Variants in SLC5A1 observed in about 807,000 individuals in gnomAD.
The protein encoded by SLC5A1 is solute carrier family 5 member 1.
In SLC5A1, 42 loss-of-function variants were observed where a neutral mutation model predicts 73.5. The observed-to-expected ratio is 0.57, with a 90% CI of 0.45 to 0.74. The LOEUF (loss-of-function observed/expected upper bound fraction) is 0.74. SLC5A1 is among the 30% of genes least tolerant of loss of function. The probability of loss-of-function intolerance (pLI) is 0.00; values close to 1 mark genes in which losing one functional copy is unlikely to be tolerated. For missense variants in SLC5A1, 634 were observed against 855.4 expected (o/e 0.74, Z 3.23); for synonymous variants, 300 against 317.4 (o/e 0.95, Z 0.58).
At chr22:32,099,105 AATATATATATATAT>A in intron 11 of SLC5A1, 64 bp from the exon 12 acceptor site, 1 of 54,438 alleles carries the variant, frequency 1.8e-5, no homozygotes. Context: ...AAAAAAAAAA[AATATATATATATAT>A]ATATATATAT....
At chr22:32,045,322 T>C (rs2093935788) in intron 1 of SLC5A1, among the ~76,000 whole-genome samples, 1 of 152,264 alleles carries the variant, frequency 6.6e-6, no homozygotes, top group Non-Finnish European at 1.5e-5. Context: ...GTTTCAAGTA[T>C]CTGTGAATCA....
chr22:32,089,671 A>C (rs1235133522), intron 10 of SLC5A1, among the ~76,000 whole-genome samples: 5 of 152,222 alleles, frequency 3.3e-5, no homozygotes, highest in African/African-American at 1.2e-4. Context: ...CAGCCTACTC[A>C]GAACTGTCTG....
At chr22:32,094,631 G>A (rs1467683235) in intron 11 of SLC5A1, among the ~76,000 whole-genome samples, 3 of 152,060 alleles carry the variant, frequency 2.0e-5, no homozygotes, top group Non-Finnish European at 4.4e-5. Context: ...TGCACATAAA[G>A]GTGTTCATAG....
chr22:32,104,703 A>G, intron 13 of SLC5A1, 83 bp from the exon 14 acceptor site: 1 of 946,730 alleles, frequency 1.1e-6, no homozygotes, highest in Admixed American at 1.9e-5. Flanking sequence ...CCCTTCCTTG[A>G]TGCATATCTC....
chr22:32,087,450 C>T (rs997377986), intron 10 of SLC5A1, among the ~76,000 whole-genome samples: 10 of 152,074 alleles, frequency 6.6e-5, no homozygotes, highest in African/African-American at 2.4e-4. Context: ...AGGGGTTTTA[C>T]CTGGAGAATG....
Position 32,043,552 on chromosome 22 carries a change from C to T in SLC5A1, c.135+136C>T. ...AAATGACTTGGAAGCACTTTAGAAG[C>T]ACTCAGAGGCACAGCATGAAGGGAG... On this transcript the variant is annotated intron_variant, in intron 1 of 14. Transcript: ENST00000266088. This position sits in a 1 kb window ranked among gnomAD's most constrained non-coding sequence, Gnocchi z 6.5. The T allele has an allele frequency of 1.1e-6, 1 of 907,774 alleles. No individual in the cohort carries two copies. The highest frequency in any genetic ancestry group is 1.8e-6 in the Non-Finnish European group (1 of 571,422). The allele number at this position is 907,774 out of a possible 1,614,324, so 56.2% of individuals were successfully genotyped here.
intron 3 of SLC5A1, 51 bp from the exon 4 acceptor site, chr22:32,067,916 G>A: frequency 6.3e-7 from 1 of 1,596,278 alleles, no homozygotes; most frequent in Non-Finnish European, 8.6e-7. Context: ...AGGTGGCAGG[G>A]ATGGGCTAAG....
chr22:32,080,308 G>T (rs940268491), intron 5 of SLC5A1, among the ~76,000 whole-genome samples: 1 of 152,100 alleles, frequency 6.6e-6, no homozygotes, highest in African/African-American at 2.4e-5. Context: ...TCCTCAAAAG[G>T]CCCACCTTCG....
intron 10 of SLC5A1, among the ~76,000 whole-genome samples, chr22:32,087,288 T>C (rs988305049): frequency 1.4e-4 from 21 of 152,202 alleles, no homozygotes; most frequent in African/African-American, 5.1e-4. Context: ...GTAATGCATA[T>C]ATTTGCTAAT....
chr22:32,065,574 A>G (rs1471486313), intron 2 of SLC5A1, among the ~76,000 whole-genome samples: 1 of 152,204 alleles, frequency 6.6e-6, no homozygotes, highest in Non-Finnish European at 1.5e-5. Context: ...TTATGTTTAC[A>G]GTATTTGAAT....
At chr22:32,093,846 CTGAT>C (rs1425023882) in intron 11 of SLC5A1, among the ~76,000 whole-genome samples, 2 of 152,124 alleles carry the variant, frequency 1.3e-5, no homozygotes, top group Non-Finnish European at 2.9e-5. Flanking sequence ...TTTCTTTTGT[CTGAT>C]TGCTCTGGCT....
At chr22:32,046,949 AC>A (rs1190171655) in intron 1 of SLC5A1, among the ~76,000 whole-genome samples, 1 of 152,252 alleles carries the variant, frequency 6.6e-6, no homozygotes, top group African/African-American at 2.4e-5. Context: ...TGCTCACAGA[AC>A]AATGATTTTC....
chr22:32,054,654 G>C (rs1336485591), intron 2 of SLC5A1, among the ~76,000 whole-genome samples: 5 of 151,908 alleles, frequency 3.3e-5, no homozygotes, highest in Non-Finnish European at 7.4e-5. Flanking sequence ...CCAGTGTGGG[G>C]TACAGATGGT....
intron 13 of SLC5A1, among the ~76,000 whole-genome samples, chr22:32,103,774 A>T (rs1220052317): frequency 6.6e-6 from 1 of 152,214 alleles, no homozygotes; most frequent in South Asian, 2.1e-4. Flanking sequence ...AGGATGTAAA[A>T]CATTTCTAAC....
chr22:32,099,333 G>C lies in SLC5A1; in HGVS notation c.1431G>C (p.Trp477Cys). 6.2e-7 allele frequency: 1 copy of C among 1,612,808 alleles called. No homozygotes were observed. The highest frequency in any genetic ancestry group is 1.1e-5 in the South Asian group (1 of 91,048). The stretch of plus-strand genomic sequence containing the variant: ...CTGTCTTCCTGCTTGCTATTTTCTG[G>C]AAGAGAGTCAATGAGCCAGTAGGTA... Reference protein sequence around the residue: ...IAAVFLLAIFWKRVNEPGAFW... With the variant: ...IAAVFLLAIFCKRVNEPGAFW... Residue 477 changes from tryptophan (W) to cysteine (C), a missense_variant, in exon 12 of 15, where the codon TGG (tryptophan) becomes TGC (cysteine). This residue lies in a region of SLC5A1 where 422 missense variants were observed against 626.1 expected (regional missense o/e 0.67). Coordinates refer to ENST00000266088, the MANE Select transcript of SLC5A1 (RefSeq NM_000343.4).
chr22:32,068,218 G>A (rs75843089), intron 4 of SLC5A1, among the ~76,000 whole-genome samples, 192 bp downstream of exon 4: 1,565 of 152,246 alleles, frequency 0.01, 15 homozygotes, highest in Non-Finnish European at 0.017. Flanking sequence ...CTCCTCCAGG[G>A]CAAGGGTCTG....
At chr22:32,085,759 G>A in intron 9 of SLC5A1, among the ~76,000 whole-genome samples, 1 of 152,038 alleles carries the variant, frequency 6.6e-6, no homozygotes, top group East Asian at 1.9e-4. Context: ...GGCGGGGCAG[G>A]CACCAAAGGG....
chr22:32,055,548 G>A (rs766030624), intron 2 of SLC5A1, among the ~76,000 whole-genome samples: 4 of 152,162 alleles, frequency 2.6e-5, no homozygotes, highest in Admixed American at 6.5e-5. Flanking sequence ...AGTTTACAGT[G>A]GGATGGGTAG....
intron 11 of SLC5A1, among the ~76,000 whole-genome samples, chr22:32,095,342 A>C (rs2094024542): frequency 6.6e-6 from 1 of 152,162 alleles, no homozygotes; most frequent in Admixed American, 6.6e-5. Flanking sequence ...ATGTTCTGTA[A>C]ATATCTGTTA....
Sources: allele counts gnomAD v4.1 joint callset (sites outside exome capture counted in the v4.1 genomes callset), GRCh38; gene constraint gnomAD v4.1.1; regional missense constraint gnomAD v4.1.1; non-coding constraint Gnocchi (gnomAD v3.1); transcripts MANE v1.5; gene names NCBI Gene and HGNC (gene_info 2026-07-23, HGNC 2026-07-21).